Variants in DCN observed in about 807,000 individuals in gnomAD.
DCN encodes the protein decorin.
Under a neutral mutation model 36.5 loss-of-function variants are expected in DCN, and 17 were observed. The ratio of observed to expected loss-of-function variants is 0.47; its 90% confidence interval spans 0.32 to 0.70. DCN has a LOEUF of 0.70. Ranked by LOEUF, DCN falls within the 30% of genes least tolerant of loss-of-function variation. The pLI is 0.04. For synonymous variants in DCN, 163 were observed against 161.4 expected (o/e 1.01, Z -0.07); for missense variants, 389 against 430.1 (o/e 0.90, Z 0.84).
At chr12:91,167,694 A>G (rs1353247940) in intron 2 of DCN, among the ~76,000 whole-genome samples, 1 of 152,222 alleles carries the variant, frequency 6.6e-6, no homozygotes, top group Non-Finnish European at 1.5e-5. Context: ...ATTTTAAGGC[A>G]GTCTAATCTT....
chr12:91,162,864 G>A (rs1882247710), intron 3 of DCN, among the ~76,000 whole-genome samples: 1 of 152,096 alleles, frequency 6.6e-6, no homozygotes, highest in Non-Finnish European at 1.5e-5. Flanking sequence ...TGTGCCACTA[G>A]TGACCCTCAA....
rs577867355 is a variant in DCN, at chr12:91,143,789, T to A, written c.*2269A>T. 6.7e-6 allele frequency: 1 copy of A among 149,378 alleles called. No individual in the cohort carries two copies. Among genetic ancestry groups the A allele is most frequent in the Non-Finnish European group, 1.5e-5 (1 of 67,502 alleles). 9.3% of individuals were successfully genotyped at this position (149,378 alleles called of 1,614,324 possible). On this transcript the variant is annotated 3_prime_UTR_variant, in exon 8 of 8. Transcript: ENST00000052754. ...ATCTTTATTTCAAAGGAAATAAAGA[T>A]ACATATATATGTATATATGCAAAAA...
chr12:91,178,714 A>G, intron 1 of DCN, 129 bp from the exon 2 acceptor site: 2 of 680,744 alleles, frequency 2.9e-6, no homozygotes, highest in Non-Finnish European at 5.3e-6. Context: ...GTTATCAGGA[A>G]GCAGAGCATT....
intron 2 of DCN, among the ~76,000 whole-genome samples, chr12:91,171,774 C>G (rs1882974149): frequency 6.6e-6 from 1 of 152,192 alleles, no homozygotes; most frequent in African/African-American, 2.4e-5. Flanking sequence ...CATTTGACTA[C>G]AAATGCAAGA....
At chr12:91,177,690 T>C in intron 2 of DCN, 1 of 698,866 alleles carries the variant, frequency 1.4e-6, no homozygotes, top group Non-Finnish European at 2.6e-6. Flanking sequence ...AACACAATTA[T>C]ATTGAATATT....
intron 2 of DCN, among the ~76,000 whole-genome samples, chr12:91,165,083 C>A (rs1424530216): frequency 6.6e-6 from 1 of 152,078 alleles, no homozygotes; most frequent in Non-Finnish European, 1.5e-5. Context: ...GAGTGATTGG[C>A]AAATTTATAC....
chr12:91,153,214 A>G (rs754929253), intron 5 of DCN, 25 bp from the exon 6 acceptor site: 2 of 1,256,314 alleles, frequency 1.6e-6, no homozygotes, highest in Non-Finnish European at 2.3e-6. Context: ...TAAAGATGTT[A>G]AATTAGCAGA....
At chr12:91,175,963 C>T (rs1883264974) in intron 2 of DCN, 1 of 152,000 alleles carries the variant, frequency 6.6e-6, no homozygotes, top group African/African-American at 2.4e-5. Flanking sequence ...ACCCAGGTAC[C>T]TCACACGATT....
chr12:91,146,014 A>T lies in DCN; in HGVS notation c.*44T>A. On this transcript the variant is annotated 3_prime_UTR_variant, in exon 8 of 8. Coordinates refer to ENST00000052754, the MANE Select transcript of DCN (RefSeq NM_001920.5). ...TTATTTATTTTTTAGCAATGACATT[A>T]ACAAGATTTTGCCAGGTTATAAAAA... The T allele has an allele frequency of 6.8e-7, 1 of 1,462,272 alleles. No individual in the cohort carries two copies. The highest frequency in any genetic ancestry group is 2.3e-5 in the East Asian group (1 of 44,132). 90.6% of individuals were successfully genotyped at this position (1,462,272 alleles called of 1,614,324 possible). A position where few individuals can be genotyped will look rare whatever the true frequency, so the allele number is the denominator to read the frequency against.
chr12:91,163,338 C>T (rs1331439113), intron 3 of DCN, among the ~76,000 whole-genome samples: 2 of 152,162 alleles, frequency 1.3e-5, no homozygotes, highest in Non-Finnish European at 1.5e-5. Flanking sequence ...TTTGGCCCTT[C>T]TTCAAGTCCT....
rs564761616 is a variant in DCN at position 91,162,004 on chromosome 12, G to A, written c.324+2601C>T. 2.0e-5 allele frequency among the ~76,000 whole-genome samples: 3 copies of A among 150,762 alleles called. No individual in the cohort carries two copies. The South Asian group carries it at 6.3e-4, about 32-fold the overall frequency. The stretch of plus-strand genomic sequence containing the variant: ...CACCAGGGCTGCAGTGCAGTGGCGT[G>A]ATCTCGACTCACTGCAACCTCCCCA... On this transcript the variant is annotated intron_variant, in intron 3 of 7. Coordinates refer to ENST00000052754, the MANE Select transcript of DCN (RefSeq NM_001920.5).
chr12:91,152,526 C>A (rs1276703859), intron 6 of DCN, among the ~76,000 whole-genome samples: 1 of 151,954 alleles, frequency 6.6e-6, no homozygotes, highest in Non-Finnish European at 1.5e-5. Flanking sequence ...ACTAGTATCA[C>A]TTATTTTAAA....
At chr12:91,167,879 C>A (rs966064713) in intron 2 of DCN, among the ~76,000 whole-genome samples, 2 of 152,100 alleles carry the variant, frequency 1.3e-5, no homozygotes, top group Non-Finnish European at 2.9e-5. Context: ...CTTGCTCTGT[C>A]GCTCAGCCTG....
In DCN at chr12:91,146,076, T is replaced by C. The variant is rs765239185; in HGVS notation, c.1062A>G (p.Gln354=). The C allele has an allele frequency of 1.9e-6, 3 of 1,613,748 alleles. No individual in the cohort carries two copies. Among genetic ancestry groups the C allele is most frequent in the Admixed American group, 1.7e-5 (1 of 59,986 alleles). ...TTGAGAATTACTTATAGTTTCCGAGTTGAATGGCAGAGCGCACGTAGACAC... is the reference window on the plus strand; with the variant it reads ...TTGAGAATTACTTATAGTTTCCGAGCTGAATGGCAGAGCGCACGTAGACAC... ...FRCVYVRSAI[Q]LGNYK The change falls in exon 8 of 8, where the codon CAA becomes CAG. Residue 354 remains glutamine (Q), a synonymous_variant. Transcript: ENST00000052754.
intron 7 of DCN, 144 bp downstream of exon 7, chr12:91,151,510 A>T: frequency 2.4e-6 from 2 of 829,536 alleles, no homozygotes; most frequent in Admixed American, 2.3e-5. Flanking sequence ...AATTTTTTTT[A>T]TGGTATTTTG....
chr12:91,144,451 A>G lies in DCN; in HGVS notation c.*1607T>C, dbSNP rs1014680963. The G allele has an allele frequency of 6.6e-6, 1 of 152,164 alleles. No individual in the cohort carries two copies. The highest frequency in any genetic ancestry group is 1.5e-5 in the Non-Finnish European group (1 of 68,022). 9.4% of individuals were successfully genotyped at this position (152,164 alleles called of 1,614,324 possible). A position where few individuals can be genotyped will look rare whatever the true frequency, so the allele number is the denominator to read the frequency against. On this transcript the variant is annotated 3_prime_UTR_variant, in exon 8 of 8. Transcript: ENST00000052754. ...TGAGAGGAGGATCTCTTGGGAGATG[A>G]AAAAGAGAAGAAAAAGAGAGGTTTC...
At chr12:91,149,741 C>T (rs1881283467) in intron 7 of DCN, among the ~76,000 whole-genome samples, 1 of 152,044 alleles carries the variant, frequency 6.6e-6, no homozygotes, top group South Asian at 2.1e-4. Context: ...ACAAATTTGG[C>T]ATAGTACCAG....
In DCN at chr12:91,182,402, G is replaced by T. The variant is rs566608430; in HGVS notation, c.-34+253C>A. 3.0e-4 allele frequency among the ~76,000 whole-genome samples: 46 copies of T among 152,106 alleles called. No individual in the cohort carries two copies. In the South Asian group the frequency reaches 9.3e-3, roughly 31 times the overall value. On this transcript the variant is annotated intron_variant, in intron 1 of 7. Coordinates refer to ENST00000052754, the MANE Select transcript of DCN (RefSeq NM_001920.5). ...TTAATATAGAGAGTCATGGTGTTAG[G>T]TTACAGTTTTTTAAGAAGCATCTTT...
intron 2 of DCN, among the ~76,000 whole-genome samples, chr12:91,170,152 G>T (rs1882865175): frequency 6.6e-6 from 1 of 151,570 alleles, no homozygotes; most frequent in African/African-American, 2.4e-5. Flanking sequence ...CAGAATTTTT[G>T]TGAGAATTCA....
Sources: allele counts gnomAD v4.1 joint callset (sites outside exome capture counted in the v4.1 genomes callset), GRCh38; gene constraint gnomAD v4.1.1; transcripts MANE v1.5; gene names NCBI Gene and HGNC (gene_info 2026-07-23, HGNC 2026-07-21).